EPHX3: variants seen among roughly 807,000 people sequenced by gnomAD.
EPHX3 encodes the protein abhydrolase domain containing 9.
Under a neutral mutation model 40.2 loss-of-function variants are expected in EPHX3, and 39 were observed. That is an observed-to-expected ratio of 0.97 (90% CI 0.75 to 1.27). The LOEUF is 1.27. Among genes scored for constraint, EPHX3 ranks in the 50% most tolerant of loss-of-function variants. EPHX3 has a pLI of 0.00. For synonymous variants in EPHX3, 213 were observed against 209.7 expected, an observed-to-expected ratio of 1.02 and a Z score of -0.14; for missense variants, 442 against 474.0, an observed-to-expected ratio of 0.93 and a Z score of 0.63.
chr19:15,234,754 A>G (rs1341276768), upstream of EPHX3, among the ~76,000 whole-genome samples: 4 of 152,066 alleles, frequency 2.6e-5, no homozygotes, highest in Admixed American at 2.0e-4. Context: ...TTTTATCCAT[A>G]TACCTTTGTA....
chr19:15,227,286 C>T lies in EPHX3; in HGVS notation c.*151G>A, dbSNP rs545241041. On this transcript the variant is annotated 3_prime_UTR_variant, in exon 7 of 7. Coordinates refer to ENST00000221730, the MANE Select transcript of EPHX3 (RefSeq NM_024794.3). Reference sequence around the variant, plus strand: ...GTGTGTCCCGAGGCACCCATAGGTGCGCTTGTGTGGGATCCAGGAGTCCCA... The same window carrying T: ...GTGTGTCCCGAGGCACCCATAGGTGTGCTTGTGTGGGATCCAGGAGTCCCA... The T allele has an allele frequency of 2.3e-5, 15 of 660,230 alleles. No individual in the cohort carries two copies. The highest frequency in any genetic ancestry group is 8.2e-5 in the East Asian group (3 of 36,760). 40.9% of individuals were successfully genotyped at this position (660,230 alleles called of 1,614,324 possible). A position where few individuals can be genotyped will look rare whatever the true frequency, so the allele number is the denominator to read the frequency against.
Position 15,229,885 on chromosome 19 carries a change from C to CAAAAAAAAAAAAAAAAAAAAAAAAAAA in EPHX3, c.616+1076_616+1077insTTTTTTTTTTTTTTTTTTTTTTTTTTT, listed in dbSNP as rs546876108. Among the ~76,000 whole-genome samples the CAAAAAAAAAAAAAAAAAAAAAAAAAAA allele has an allele frequency of 2.8e-3, 26 of 9,370 alleles. 1 individual carries two copies. Among genetic ancestry groups the CAAAAAAAAAAAAAAAAAAAAAAAAAAA allele is most frequent in the African/African-American group, 3.8e-3 (11 of 2,858 alleles). 6.1% of individuals were successfully genotyped at this position (9,370 alleles called of 152,430 possible). On this transcript the variant is annotated intron_variant, in intron 4 of 6. Coordinates refer to ENST00000221730, the MANE Select transcript of EPHX3 (RefSeq NM_024794.3). ...CTGGCGACAGAGCAAGACTCTGTCT[C>CAAAAAAAAAAAAAAAAAAAAAAAAAAA]AAAAAAAAAAAAAAAAAAAAAAAAA...
At position 15,227,588 on chromosome 19, in the gene EPHX3, T is replaced by C; in HGVS notation, c.932A>G (p.Glu311Gly). The C allele has an allele frequency of 2.5e-6, 4 of 1,613,968 alleles. No individual in the cohort carries two copies. The highest frequency in any genetic ancestry group is 3.4e-6 in the Non-Finnish European group (4 of 1,180,006). ...LLWGEKDTYL[E>G]LGLVEAIGSR... Reference sequence around the variant, plus strand: ...GCCGATGGCTTCCACCAGCCCCAGCTCCAAGTAAGTGTCCTTCTCCCCCCA... The same window carrying C: ...GCCGATGGCTTCCACCAGCCCCAGCCCCAAGTAAGTGTCCTTCTCCCCCCA... Residue 311 changes from glutamate to glycine, a missense_variant, in exon 7 of 7, where the codon GAG (glutamate) becomes GGG (glycine). By Grantham distance (98) the Glu-to-Gly change is moderately conservative. Transcript: ENST00000221730.
chr19:15,227,255 G>C lies in EPHX3; in HGVS notation c.*182C>G. ...CATCCATGCCTGTGTGTGAGTATAG[G>C]GGTTGGTGTGTCCCGAGGCACCCAT... On this transcript the variant is annotated 3_prime_UTR_variant, in exon 7 of 7. Coordinates refer to ENST00000221730, the MANE Select transcript of EPHX3 (RefSeq NM_024794.3). 3.3e-6 allele frequency: 2 copies of C among 608,950 alleles called. No individual in the cohort carries two copies. The highest frequency in any genetic ancestry group is 5.9e-6 in the Non-Finnish European group (2 of 340,788). 37.7% of individuals were successfully genotyped at this position (608,950 alleles called of 1,614,324 possible).
At chr19:15,230,914 C>T (rs748776304) in intron 4 of EPHX3, 48 bp downstream of exon 4, 5 of 1,602,122 alleles carry the variant, frequency 3.1e-6, no homozygotes, top group South Asian at 1.1e-5. Context: ...CATGTCCCTG[C>T]CCCCTTGCAC....
rs745539757 is a variant in EPHX3 at position 15,228,049 on chromosome 19, A to G, written c.668T>C (p.Leu223Pro). Residue 223 changes from leucine to proline, a missense_variant, in exon 5 of 7, where the codon CTG becomes CCG. Transcript: ENST00000221730. ...SQFFRSHYMF[L>P]FQLPWLPEKL... is the part of the protein sequence containing the mutation. ...CTCGGGCAGCCAGGGCAGCTGGAAC[A>G]GGAACATGTAGTGGGAACGGAAGAA... 1.7e-5 allele frequency: 24 copies of G among 1,399,502 alleles called. No homozygotes were observed. The highest frequency in any genetic ancestry group is 1.9e-6 in the Non-Finnish European group (2 of 1,042,666). 86.7% of individuals were successfully genotyped at this position (1,399,502 alleles called of 1,614,324 possible).
upstream of EPHX3, chr19:15,235,455 C>T (rs1172765633): frequency 2.0e-5 from 3 of 152,100 alleles, no homozygotes; most frequent in African/African-American, 7.2e-5. Flanking sequence ...CACTGACCCC[C>T]CGCCCTCATC....
At chr19:15,228,165 C>T (rs1390257378) in intron 4 of EPHX3, 65 bp from the exon 5 acceptor site, 3 of 1,261,902 alleles carry the variant, frequency 2.4e-6, no homozygotes, top group South Asian at 1.4e-5. Flanking sequence ...TACACCTGCA[C>T]CCCTACACAT....
upstream of EPHX3, among the ~76,000 whole-genome samples, chr19:15,234,712 C>T (rs1169820062): frequency 6.6e-6 from 1 of 152,234 alleles, no homozygotes; most frequent in Non-Finnish European, 1.5e-5. Flanking sequence ...AAACACTCCA[C>T]TTGTCACCTC....
intron 4 of EPHX3, among the ~76,000 whole-genome samples, chr19:15,229,828 A>G (rs1336920675): frequency 2.1e-5 from 3 of 141,370 alleles, no homozygotes; most frequent in South Asian, 2.5e-4. Context: ...CGGAGGTTGC[A>G]GTGAACTGAG....
rs747305945 is a variant in EPHX3 at position 15,227,815 on chromosome 19, A to G, written c.813T>C (p.Pro271=). 5 of 1,613,820 alleles carry G rather than the reference A, an allele frequency of 3.1e-6. No homozygotes were observed. The highest frequency in any genetic ancestry group is 3.4e-6 in the Non-Finnish European group (4 of 1,180,000). ...AGTTGAGGGGCCCAGTGAGGCCACC[A>G]GGCTGTGAGAAGTTATAAAGGAAGG... ...LEAFLYNFSQ[P]GGLTGPLNYY... is the part of the protein sequence containing the mutation. Residue 271 remains proline (P), a synonymous_variant, in exon 6 of 7, where the codon CCT becomes CCC. Transcript: ENST00000221730.
In EPHX3 at chr19:15,227,257, G is replaced by A. The variant is rs971814182; in HGVS notation, c.*180C>T. ...TCCATGCCTGTGTGTGAGTATAGGGGTTGGTGTGTCCCGAGGCACCCATAG... is the reference window on the plus strand; with the variant it reads ...TCCATGCCTGTGTGTGAGTATAGGGATTGGTGTGTCCCGAGGCACCCATAG... On this transcript the variant is annotated 3_prime_UTR_variant, in exon 7 of 7. Transcript: ENST00000221730. The A allele has an allele frequency of 8.2e-6, 5 of 610,474 alleles. No individual in the cohort carries two copies. The African/African-American group carries it at 9.2e-5, about 11-fold the overall frequency. The allele number at this position is 610,474 out of a possible 1,614,324, so 37.8% of individuals were successfully genotyped here.
rs1288077168 is a variant in EPHX3 at position 15,228,168 on chromosome 19, C to T, written c.617-68G>A. On this transcript the variant is annotated intron_variant, in intron 4 of 6. Coordinates refer to ENST00000221730, the MANE Select transcript of EPHX3 (RefSeq NM_024794.3). ...GGGGTGGCCCCATACACCTGCACCC[C>T]TACACATACCCAGGTCAGGGACACA... 2.4e-6 allele frequency: 3 copies of T among 1,233,386 alleles called. No individual in the cohort carries two copies. The African/African-American group carries it at 4.5e-5, about 18-fold the overall frequency. The allele number at this position is 1,233,386 out of a possible 1,614,324, so 76.4% of individuals were successfully genotyped here.
At chr19:15,230,941 G>A (rs1181934590) in intron 4 of EPHX3, 21 bp downstream of exon 4, 2 of 1,612,886 alleles carry the variant, frequency 1.2e-6, no homozygotes, top group Admixed American at 3.3e-5. Flanking sequence ...ACATCCCAGT[G>A]TCCCGGACTC....
upstream of EPHX3, chr19:15,235,986 A>G (rs1184182873): frequency 2.0e-5 from 3 of 152,228 alleles, no homozygotes; most frequent in African/African-American, 7.2e-5. Context: ...AAGAAACCCC[A>G]AAGAACCTAA....
intron 4 of EPHX3, among the ~76,000 whole-genome samples, chr19:15,229,943 A>AAG (rs374160695): frequency 2.0e-4 from 30 of 149,360 alleles, no homozygotes; most frequent in African/African-American, 3.2e-4. Context: ...AAAACAACAA[A>AAG]AGAGAGAGAG....
chr19:15,230,818 T>A, intron 4 of EPHX3, 144 bp downstream of exon 4: 1 of 1,103,908 alleles, frequency 9.1e-7, no homozygotes, highest in South Asian at 1.6e-5. Context: ...AATGAGGAGT[T>A]CCACAACCGA....
rs748545958 is a variant in EPHX3 at position 15,228,033 on chromosome 19, C to T, written c.684G>A (p.Trp228Ter). The change falls in exon 5 of 7, where the codon TGG becomes TGA. Residue 228 changes from tryptophan to a stop codon, truncating the protein, a stop_gained. Coordinates refer to ENST00000221730, the MANE Select transcript of EPHX3 (RefSeq NM_024794.3). LOFTEE classifies it high-confidence loss of function. The part of the protein sequence containing the change: ...SHYMFLFQLP[W>*]LPEKLLSMSD... ...ACATAGACAGCAGCTTCTCGGGCAG[C>T]CAGGGCAGCTGGAACAGGAACATGT... 7 of 1,613,814 alleles carry T rather than the reference C, an allele frequency of 4.3e-6. No homozygotes were observed. Among genetic ancestry groups the T allele is most frequent in the Non-Finnish European group, 5.9e-6 (7 of 1,179,992 alleles).
chr19:15,234,556 C>T (rs929504027), upstream of EPHX3, among the ~76,000 whole-genome samples: 1 of 152,176 alleles, frequency 6.6e-6, no homozygotes, highest in African/African-American at 2.4e-5. Context: ...CCTCAAGCCT[C>T]CACCTCCCAA....
Sources: allele counts gnomAD v4.1 joint callset (sites outside exome capture counted in the v4.1 genomes callset), GRCh38; gene constraint gnomAD v4.1.1; transcripts MANE v1.5; gene names NCBI Gene and HGNC (gene_info 2026-07-23, HGNC 2026-07-21).